The following CCT3 variants were observed in gnomAD, a reference collection of about 807,000 sequenced individuals.
CCT3 encodes T-complex protein 1 subunit gamma.
CCT3 carries 10 observed loss-of-function variants against 65.3 expected under a neutral mutation model. That is an observed-to-expected ratio of 0.15 (90% CI 0.09 to 0.26). The LOEUF is 0.26. Among genes scored for constraint, CCT3 ranks in the 10% least tolerant of loss-of-function variants. The pLI is 1.00. For missense variants in CCT3, 626 were observed against 708.7 expected (o/e 0.88, Z 1.33); for synonymous variants, 225 against 242.3 (o/e 0.93, Z 0.66).
intron 5 of CCT3, among the ~76,000 whole-genome samples, chr1:156,329,895 C>T (rs908051749): frequency 4.0e-5 from 6 of 151,118 alleles, no homozygotes; most frequent in African/African-American, 7.3e-5. Context: ...GCCAAGATCG[C>T]GCCAGTGCAC....
intron 4 of CCT3, 92 bp from the exon 5 acceptor site, chr1:156,333,735 A>C: frequency 7.9e-6 from 7 of 891,400 alleles, no homozygotes; most frequent in Non-Finnish European, 5.4e-6. Flanking sequence ...TTGCTTCTAT[A>C]CGTACTTACT....
At chr1:156,327,704 C>T (rs1292234750) in intron 5 of CCT3, among the ~76,000 whole-genome samples, 2 of 151,706 alleles carry the variant, frequency 1.3e-5, no homozygotes, top group East Asian at 2.0e-4. Context: ...TCTGCCCGGC[C>T]GCCACCCCGT....
intron 6 of CCT3, among the ~76,000 whole-genome samples, chr1:156,324,507 T>C (rs572173556): frequency 6.6e-6 from 1 of 152,332 alleles, no homozygotes; most frequent in South Asian, 2.1e-4. Flanking sequence ...GTTTCGCTCT[T>C]GTTGCTCAGG....
intron 4 of CCT3, 145 bp downstream of exon 4, chr1:156,334,568 T>C: frequency 1.4e-6 from 1 of 697,876 alleles, no homozygotes; most frequent in Non-Finnish European, 2.5e-6. Flanking sequence ...TATAAGATAA[T>C]AAATTTCTGT....
intron 5 of CCT3, among the ~76,000 whole-genome samples, chr1:156,327,036 ACT>A (rs1163341213): frequency 2.0e-5 from 3 of 152,146 alleles, no homozygotes; most frequent in African/African-American, 4.8e-5. Context: ...ATAGAGTGAG[ACT>A]CTGTCTCAAA....
At chr1:156,335,009 CCA>C (rs1665274915) in intron 2 of CCT3, 91 bp from the exon 3 acceptor site, 2 of 975,126 alleles carry the variant, frequency 2.1e-6, no homozygotes, top group South Asian at 1.4e-5. Flanking sequence ...CATGAACAAC[CCA>C]CAGAGTCAGT....
intron 1 of CCT3, among the ~76,000 whole-genome samples, chr1:156,336,299 A>G (rs1045087888): frequency 4.0e-5 from 6 of 150,268 alleles, no homozygotes; most frequent in African/African-American, 1.5e-4. Flanking sequence ...TTTTCCGGAA[A>G]GAGGATCCAC....
At chr1:156,316,821 T>G (rs1196569985) in intron 10 of CCT3, among the ~76,000 whole-genome samples, 1 of 152,190 alleles carries the variant, frequency 6.6e-6, no homozygotes, top group East Asian at 1.9e-4. Context: ...CCAGGCCACT[T>G]AGGATACTCT....
rs1023785587 is a variant in CCT3, at chr1:156,316,072, CCA to C, written c.974+1092_974+1093del. The stretch of plus-strand genomic sequence containing the variant: ...CCCTCTATATCCGCAGGTCCCGCAT[CCA>C]GATTCCACCAACCATGCACTGATAA... On this transcript the variant is annotated intron_variant, in intron 10 of 13. Transcript: ENST00000295688. 6.0e-5 allele frequency among the ~76,000 whole-genome samples: 9 copies of C among 151,048 alleles called. 1 individual carries two copies. Among genetic ancestry groups the C allele is most frequent in the African/African-American group, 2.2e-4 (9 of 41,144 alleles).
In CCT3 at chr1:156,311,039, T is replaced by C. The variant is rs1206563718; in HGVS notation, c.1312A>G (p.Arg438Gly). Residue 438 changes from arginine to glycine, a missense_variant, in exon 12 of 14, where the codon AGG becomes GGG. By Grantham distance (125) the Arg-to-Gly change is moderately radical. Coordinates refer to ENST00000295688, the MANE Select transcript of CCT3 (RefSeq NM_005998.5). The part of the protein sequence containing the change: ...AMTGVEQWPY[R>G]AVAQALEVIP... Reference sequence around the variant, plus strand: ...ACCTCTAGGGCCTGGGCAACAGCCCTGTATGGCCATTGTTCCACACCAGTC... The same window carrying C: ...ACCTCTAGGGCCTGGGCAACAGCCCCGTATGGCCATTGTTCCACACCAGTC... The C allele has an allele frequency of 1.2e-6, 2 of 1,613,982 alleles. No individual in the cohort carries two copies. Among genetic ancestry groups the C allele is most frequent in the African/African-American group, 1.3e-5 (1 of 74,894 alleles).
chr1:156,314,274 G>A (rs1265843181), intron 10 of CCT3, among the ~76,000 whole-genome samples: 5 of 152,112 alleles, frequency 3.3e-5, no homozygotes, highest in Non-Finnish European at 7.4e-5. Context: ...ACATGACTTC[G>A]TAGGATTTAT....
At chr1:156,323,254 C>T (rs1164446746) in intron 6 of CCT3, among the ~76,000 whole-genome samples, 2 of 114,400 alleles carry the variant, frequency 1.7e-5, no homozygotes, top group Non-Finnish European at 4.0e-5. Context: ...TGCAGTGAGC[C>T]GAGATCGCGC....
chr1:156,313,411 TA>T (rs1664168878), intron 10 of CCT3, among the ~76,000 whole-genome samples: 1 of 147,226 alleles, frequency 6.8e-6, no homozygotes, highest in South Asian at 2.2e-4. Flanking sequence ...GGTATCTGCC[TA>T]AATACAATTT....
chr1:156,313,342 A>AAAAAAAGG (rs1286812034), intron 10 of CCT3, among the ~76,000 whole-genome samples: 1 of 89,044 alleles, frequency 1.1e-5, no homozygotes, highest in Non-Finnish European at 2.3e-5. Context: ...CTGTCTCAAA[A>AAAAAAAGG]AAAAAAAGAA....
chr1:156,320,338 G>A (rs1664495031), intron 7 of CCT3, among the ~76,000 whole-genome samples: 1 of 152,144 alleles, frequency 6.6e-6, no homozygotes, highest in African/African-American at 2.4e-5. Context: ...AACCCGGGAG[G>A]TGGAGGCTAC....
rs768375450 is a variant in CCT3 at position 156,312,180 on chromosome 1, C to T, written c.1016G>A (p.Arg339Lys). The T allele has an allele frequency of 1.9e-6, 3 of 1,614,034 alleles. No individual in the cohort carries two copies. Among genetic ancestry groups the T allele is most frequent in the East Asian group, 4.5e-5 (2 of 44,888 alleles). ...ARIVSRPEEL[R>K]EDDVGTGAGL... ...TGCTCCTGTTCCAACATCATCTTCTCTCAGTTCCTCTGGTCGGCTGACTAT... is the reference window on the plus strand; with the variant it reads ...TGCTCCTGTTCCAACATCATCTTCTTTCAGTTCCTCTGGTCGGCTGACTAT... Residue 339 changes from arginine (R) to lysine (K), a missense_variant, in exon 11 of 14, where the codon AGA (arginine) becomes AAA (lysine). By Grantham distance (26) the Arg-to-Lys change is conservative (BLOSUM62 2). Coordinates refer to ENST00000295688, the MANE Select transcript of CCT3 (RefSeq NM_005998.5).
At chr1:156,333,369 C>T (rs1665195994) in intron 5 of CCT3, 178 bp downstream of exon 5, 1 of 555,018 alleles carries the variant, frequency 1.8e-6, no homozygotes, top group East Asian at 3.2e-5. Flanking sequence ...GCCAGATTTG[C>T]ATAGCTCACC....
intron 6 of CCT3, among the ~76,000 whole-genome samples, chr1:156,322,583 C>A: frequency 6.6e-6 from 1 of 151,534 alleles, no homozygotes; most frequent in Non-Finnish European, 1.5e-5. Context: ...TCAGGCCAGG[C>A]ACGGTGGCTC....
At chr1:156,330,751 A>T (rs1006245781) in intron 5 of CCT3, among the ~76,000 whole-genome samples, 5 of 150,736 alleles carry the variant, frequency 3.3e-5, no homozygotes, top group Admixed American at 1.3e-4. Flanking sequence ...GTGAAACCCC[A>T]TCTCTACTAA....
Sources: allele counts gnomAD v4.1 joint callset (sites outside exome capture counted in the v4.1 genomes callset), GRCh38; gene constraint gnomAD v4.1.1; transcripts MANE v1.5; gene names NCBI Gene and HGNC (gene_info 2026-07-23, HGNC 2026-07-21).